Variants in MEI4 observed in about 807,000 individuals in gnomAD.
MEI4 encodes the protein meiosis-specific protein MEI4.
In MEI4, 27 loss-of-function variants were observed where a neutral mutation model predicts 31.4. That is an observed-to-expected ratio of 0.86 (90% CI 0.63 to 1.19). The LOEUF (loss-of-function observed/expected upper bound fraction) is 1.19, where lower values mean the gene tolerates loss of function less well. MEI4 is among the 50% of genes most tolerant of loss of function. MEI4 has a pLI of 0.00. For missense variants in MEI4, 329 were observed against 398.9 expected, an observed-to-expected ratio of 0.82 and a Z score of 1.49; for synonymous variants, 122 against 145.4, an observed-to-expected ratio of 0.84 and a Z score of 1.16.
At chr6:77,660,819 G>A (rs948244082) in intron 1 of MEI4, among the ~76,000 whole-genome samples, 11 of 152,232 alleles carry the variant, frequency 7.2e-5, no homozygotes, top group Middle Eastern at 3.4e-3. Flanking sequence ...TCCTGCAGGC[G>A]GACGGCAGTC....
rs559990171 is a variant in MEI4, at chr6:77,799,592, A to G, written c.769-29339A>G. Among the ~76,000 whole-genome samples the G allele has an allele frequency of 7.2e-5, 11 of 152,022 alleles. No homozygotes were observed. In the South Asian group the frequency reaches 1.2e-3, roughly 17 times the overall value. ...CCATGCCTATGTCCTGAATGGTAAT[A>G]CCTAGGTTTTCTTCTAGGATTTTTA... On this transcript the variant is annotated intron_variant, in intron 3 of 4. Transcript: ENST00000684080.
At chr6:77,871,977 T>C (rs1438832062) in intron 4 of MEI4, among the ~76,000 whole-genome samples, 1 of 152,168 alleles carries the variant, frequency 6.6e-6, no homozygotes, top group Admixed American at 6.5e-5. Context: ...TCTAAGATAA[T>C]TATTTGTTTT....
intron 4 of MEI4, among the ~76,000 whole-genome samples, chr6:77,852,809 CA>C (rs1183939018): frequency 6.6e-6 from 1 of 151,958 alleles, no homozygotes; most frequent in African/African-American, 2.4e-5. Flanking sequence ...GTCCTAATTC[CA>C]TCACATTATT....
intron 3 of MEI4, among the ~76,000 whole-genome samples, chr6:77,769,638 T>C (rs747275978): frequency 6.6e-6 from 1 of 152,010 alleles, no homozygotes; most frequent in Non-Finnish European, 1.5e-5. Context: ...GACTTTGTTT[T>C]GCAACTTGGA....
intron 4 of MEI4, among the ~76,000 whole-genome samples, chr6:77,865,177 G>A (rs1319198776): frequency 3.3e-5 from 5 of 152,106 alleles, no homozygotes; most frequent in African/African-American, 1.2e-4. Context: ...AAGAACTAGA[G>A]AAGCAAGAGC....
intron 3 of MEI4, among the ~76,000 whole-genome samples, chr6:77,814,004 A>G (rs1769633032): frequency 1.3e-5 from 2 of 152,256 alleles, no homozygotes; most frequent in South Asian, 2.1e-4. Context: ...ATTTTTCACA[A>G]GACCTTCAGT....
At chr6:77,736,652 C>G (rs1767243787) in intron 2 of MEI4, among the ~76,000 whole-genome samples, 1 of 152,036 alleles carries the variant, frequency 6.6e-6, no homozygotes, top group Non-Finnish European at 1.5e-5. Flanking sequence ...GCCATTTTGG[C>G]TCCTACCCCC....
At chr6:77,796,276 G>C (rs921959819) in intron 3 of MEI4, among the ~76,000 whole-genome samples, 1 of 152,098 alleles carries the variant, frequency 6.6e-6, no homozygotes, top group African/African-American at 2.4e-5. Flanking sequence ...CATACTCAGT[G>C]GTGAAAAGTT....
rs193302647 is a variant in MEI4, at chr6:77,668,583, A to G, written c.-15+15491A>G. Among the ~76,000 whole-genome samples, 357 of 152,306 alleles carry G rather than the reference A, an allele frequency of 2.3e-3. 4 individuals are homozygous for G. The highest frequency in any genetic ancestry group is 7.6e-3 in the African/African-American group (315 of 41,568). ...TATCTGTGTCTAACTATGCTAATTT[A>G]GTGTGTTCACTTGGCAGCCAATGAA... On this transcript the variant is annotated intron_variant, in intron 1 of 4. Transcript: ENST00000684080.
chr6:77,796,402 T>C (rs1582153981), intron 3 of MEI4, among the ~76,000 whole-genome samples: 1 of 152,220 alleles, frequency 6.6e-6, no homozygotes, highest in Middle Eastern at 3.4e-3. Flanking sequence ...AAGATTCAAA[T>C]TTGAAAGGAA....
intron 4 of MEI4, among the ~76,000 whole-genome samples, chr6:77,841,333 A>ATATATATATATATATATATTTTTT: frequency 3.6e-5 from 1 of 27,736 alleles, no homozygotes; most frequent in Non-Finnish European, 5.2e-5. Context: ...ATATATATAT[A>ATATATATATATATATATATTTTTT]TTTTTTTTTT....
At chr6:77,839,553 T>C (rs1402457221) in intron 4 of MEI4, among the ~76,000 whole-genome samples, 1 of 152,126 alleles carries the variant, frequency 6.6e-6, no homozygotes, top group African/African-American at 2.4e-5. Flanking sequence ...AGAATTATGA[T>C]GTAAACCGCT....
chr6:77,713,168 GATA>G (rs1268088592), intron 2 of MEI4, among the ~76,000 whole-genome samples: 1 of 152,080 alleles, frequency 6.6e-6, no homozygotes, highest in Non-Finnish European at 1.5e-5. Context: ...TTACCTCCAT[GATA>G]CACACTCTCC....
chr6:77,769,426 G>T (rs1298529156), intron 3 of MEI4, among the ~76,000 whole-genome samples: 1 of 152,128 alleles, frequency 6.6e-6, no homozygotes, highest in Non-Finnish European at 1.5e-5. Flanking sequence ...AGGCAACCTA[G>T]ACCACAAGGA....
At chr6:77,727,587 C>T (rs989304312) in intron 2 of MEI4, among the ~76,000 whole-genome samples, 2 of 152,114 alleles carry the variant, frequency 1.3e-5, no homozygotes, top group African/African-American at 2.4e-5. Flanking sequence ...GCTTTCTTGT[C>T]CTCTGTTTCA....
chr6:77,831,358 TA>T (rs1188260108), intron 4 of MEI4, among the ~76,000 whole-genome samples: 1 of 151,718 alleles, frequency 6.6e-6, no homozygotes, highest in Non-Finnish European at 1.5e-5. Flanking sequence ...CTCAAAAATC[TA>T]AAAATAGAAC....
Position 77,756,671 on chromosome 6 carries a change from C to G in MEI4, c.233-4459C>G, listed in dbSNP as rs76256574. ...TCCCTCTTTGTATTCCTCTCTCTCCCCCCCGCCGCCTTCTCCTTCTCTCTA... is the reference window on the plus strand; with the variant it reads ...TCCCTCTTTGTATTCCTCTCTCTCCGCCCCGCCGCCTTCTCCTTCTCTCTA... On this transcript the variant is annotated intron_variant, in intron 2 of 4. Transcript: ENST00000684080. Among the ~76,000 whole-genome samples, 1,424 of 151,506 alleles carry G rather than the reference C, an allele frequency of 9.4e-3. 17 individuals are homozygous for G. The highest frequency in any genetic ancestry group is 0.032 in the African/African-American group (1,322 of 41,268).
chr6:77,765,750 C>T (rs1768158767), intron 3 of MEI4, among the ~76,000 whole-genome samples: 1 of 149,796 alleles, frequency 6.7e-6, no homozygotes, highest in Non-Finnish European at 1.5e-5. Flanking sequence ...ATGTTTATTG[C>T]AGCACTATGC....
chr6:77,748,584 G>A (rs1186996476), intron 2 of MEI4, among the ~76,000 whole-genome samples: 2 of 152,204 alleles, frequency 1.3e-5, no homozygotes, highest in Admixed American at 6.6e-5. Flanking sequence ...GGGAGGGGCT[G>A]CATTAAAGGT....
Sources: allele counts gnomAD v4.1 joint callset (sites outside exome capture counted in the v4.1 genomes callset), GRCh38; gene constraint gnomAD v4.1.1; transcripts MANE v1.5; gene names NCBI Gene and HGNC (gene_info 2026-07-23, HGNC 2026-07-21).